Variants in RAPH1 observed in about 807,000 individuals in gnomAD.
RAPH1 encodes the protein ras-associated and pleckstrin homology domains-containing protein 1.
A neutral mutation model predicts 88.1 loss-of-function variants in RAPH1; 18 were observed. The observed-to-expected ratio is 0.20, with a 90% confidence interval of 0.14 to 0.30. RAPH1 has a LOEUF of 0.30. Ranked by LOEUF, RAPH1 falls within the 10% of genes least tolerant of loss-of-function variation. The pLI, the probability that RAPH1 is intolerant of heterozygous loss-of-function variation, is 1.00. For missense variants in RAPH1, 1,448 were observed against 1,543.2 expected (o/e 0.94, Z 1.03); for synonymous variants, 587 against 559.0 (o/e 1.05, Z -0.71).
chr2:203,512,192 GC>G (rs962727438), intron 1 of RAPH1, among the ~76,000 whole-genome samples: 3 of 151,362 alleles, frequency 2.0e-5, no homozygotes, highest in African/African-American at 7.3e-5. Flanking sequence ...ACTTTGGGAG[GC>G]CCAGGCAGGC....
At chr2:203,485,429 A>G (rs1434228184) in intron 4 of RAPH1, among the ~76,000 whole-genome samples, 1 of 149,794 alleles carries the variant, frequency 6.7e-6, no homozygotes, top group Non-Finnish European at 1.5e-5. Context: ...AAAAAAAAAA[A>G]AGAGTTACAC....
rs923664884 is a variant in RAPH1 at position 203,501,283 on chromosome 2, G to C, written c.1-5930C>G. Among the ~76,000 whole-genome samples the C allele has an allele frequency of 2.0e-5, 3 of 152,346 alleles. No homozygotes were observed. The East Asian group carries it at 5.8e-4, about 29-fold the overall frequency. Reference sequence around the variant, plus strand: ...GGACACTCATAATGTAAAATGGAAAGATAACTGTAGGGGATTAATTACTTA... The same window carrying C: ...GGACACTCATAATGTAAAATGGAAACATAACTGTAGGGGATTAATTACTTA... On this transcript the variant is annotated intron_variant, in intron 1 of 13. Coordinates refer to ENST00000319170, the MANE Select transcript of RAPH1 (RefSeq NM_213589.3).
intron 12 of RAPH1, chr2:203,447,017 A>G (rs576470994): frequency 6.6e-6 from 1 of 151,756 alleles, no homozygotes; most frequent in Non-Finnish European, 1.5e-5. Flanking sequence ...CTCCCAAAGC[A>G]TTGGCATTAC....
At position 203,454,451 on chromosome 2, in the gene RAPH1, T is replaced by A. The variant is rs1215719829; in HGVS notation, c.1392A>T (p.Thr464=). 1 of 1,612,174 alleles carries A rather than the reference T, an allele frequency of 6.2e-7. No homozygotes were observed. Among genetic ancestry groups the A allele is most frequent in the Non-Finnish European group, 8.5e-7 (1 of 1,178,746 alleles). ...TTACCTTCAGCACCAGACAATAGTC[T>A]GTAGGTGCTTTGTATTTGTTCCGAT... ...QDYRNKYKAP[T]DYCLVLKHPQ... The change falls in exon 10 of 14, where the codon ACA becomes ACT. Residue 464 remains threonine (T), a synonymous_variant. Coordinates refer to ENST00000319170, the MANE Select transcript of RAPH1 (RefSeq NM_213589.3).
At chr2:203,510,943 T>A (rs930130146) in intron 1 of RAPH1, among the ~76,000 whole-genome samples, 8 of 151,904 alleles carry the variant, frequency 5.3e-5, no homozygotes, top group South Asian at 2.1e-4. Flanking sequence ...TATCTCAATT[T>A]AAAAAAAACT....
chr2:203,457,262 G>A (rs571587012), intron 8 of RAPH1, among the ~76,000 whole-genome samples: 6 of 151,826 alleles, frequency 4.0e-5, no homozygotes, highest in African/African-American at 9.7e-5. Flanking sequence ...ATCTCGGCTC[G>A]CTGCAACCTC....
intron 4 of RAPH1, among the ~76,000 whole-genome samples, chr2:203,474,786 A>G (rs1407956996): frequency 3.9e-5 from 6 of 152,248 alleles, no homozygotes; most frequent in Non-Finnish European, 8.8e-5. Flanking sequence ...GTTTTAAAAT[A>G]TTTCATACTA....
At chr2:203,487,321 A>G (rs1052441104) in intron 4 of RAPH1, among the ~76,000 whole-genome samples, 1 of 152,238 alleles carries the variant, frequency 6.6e-6, no homozygotes, top group Non-Finnish European at 1.5e-5. Flanking sequence ...ATGAAATGAT[A>G]CATATTAAGT....
chr2:203,454,580 G>A (rs760451798), intron 9 of RAPH1, 40 bp from the exon 10 acceptor site: 48 of 1,406,876 alleles, frequency 3.4e-5, no homozygotes, highest in Non-Finnish European at 4.7e-5. Context: ...TAATAATAAT[G>A]CACAAACAAG....
chr2:203,522,543 A>G (rs750871108), intron 1 of RAPH1, among the ~76,000 whole-genome samples: 2 of 152,200 alleles, frequency 1.3e-5, no homozygotes, highest in African/African-American at 2.4e-5. Context: ...GCATTTTTTT[A>G]CAGAAACTGA....
chr2:203,466,145 G>C (rs1418483755), intron 4 of RAPH1, among the ~76,000 whole-genome samples: 1 of 152,124 alleles, frequency 6.6e-6, no homozygotes, highest in Non-Finnish European at 1.5e-5. Flanking sequence ...GCATATTTTA[G>C]TTTATACTTC....
chr2:203,529,688 T>C (rs528764842), intron 1 of RAPH1, among the ~76,000 whole-genome samples: 4 of 152,258 alleles, frequency 2.6e-5, no homozygotes, highest in South Asian at 4.1e-4. Context: ...ATTGCAAAAT[T>C]GACTTAAGAT....
intron 13 of RAPH1, chr2:203,441,640 T>G (rs890110634): frequency 3.0e-6 from 4 of 1,335,850 alleles, no homozygotes; most frequent in Non-Finnish European, 2.9e-6. Context: ...CACAGTAAAA[T>G]AGCTAGACCA....
At chr2:203,464,418 C>G (rs1222859011) in intron 4 of RAPH1, among the ~76,000 whole-genome samples, 1 of 152,132 alleles carries the variant, frequency 6.6e-6, no homozygotes, top group Non-Finnish European at 1.5e-5. Flanking sequence ...ATTACAGATG[C>G]CCGCCACCAT....
rs1553616531 is a variant in RAPH1, at chr2:203,434,079, T to TAGAG, written c.*5357_*5358insCTCT. The TAGAG allele has an allele frequency of 7.3e-5, 11 of 150,532 alleles. No individual in the cohort carries two copies. Among genetic ancestry groups the TAGAG allele is most frequent in the East Asian group, 1.9e-4 (1 of 5,150 alleles). 9.3% of individuals were successfully genotyped at this position (150,532 alleles called of 1,614,324 possible). ...ATCTATATATATATATATATATATA[T>TAGAG]AGCTTTGCACAATCAGGGAGCAAGG... On this transcript the variant is annotated 3_prime_UTR_variant, in exon 14 of 14. Transcript: ENST00000319170.
rs2098511854 is a variant in RAPH1, at chr2:203,448,386, G to A, written c.1513-307C>T. Among the ~76,000 whole-genome samples, 1 of 152,112 alleles carries A rather than the reference G, an allele frequency of 6.6e-6. No individual in the cohort carries two copies. Among genetic ancestry groups the A allele is most frequent in the African/African-American group, 2.4e-5 (1 of 41,406 alleles). ...TCTTCAGGATACTGCTCCAAATGTG[G>A]TTGGTAAATGATCATTACTTAAAGT... On this transcript the variant is annotated intron_variant, in intron 11 of 13. Transcript: ENST00000319170. The surrounding 1 kb of genome is among the most constrained non-coding windows in gnomAD (Gnocchi z 4.1).
intron 4 of RAPH1, among the ~76,000 whole-genome samples, chr2:203,464,760 CT>C (rs1434961917): frequency 2.7e-5 from 4 of 149,950 alleles, no homozygotes; most frequent in Non-Finnish European, 5.9e-5. Flanking sequence ...TGATAAAGAA[CT>C]GTTATAAAAA....
At chr2:203,527,578 C>A (rs1422691353) in intron 1 of RAPH1, among the ~76,000 whole-genome samples, 11 of 151,964 alleles carry the variant, frequency 7.2e-5, no homozygotes, top group Non-Finnish European at 1.6e-4. Flanking sequence ...GTGGGCGGAT[C>A]ACCTGAGGTC....
At chr2:203,473,910 G>C (rs1407485107) in intron 4 of RAPH1, among the ~76,000 whole-genome samples, 1 of 152,024 alleles carries the variant, frequency 6.6e-6, no homozygotes, top group Non-Finnish European at 1.5e-5. Context: ...CAACTTTTGA[G>C]TGTGGAACCA....
Sources: gnomAD v4.1 joint callset for allele counts (sites outside exome capture counted in the v4.1 genomes callset) on GRCh38, gnomAD v4.1.1 for gene constraint, Gnocchi (gnomAD v3.1) non-coding constraint, MANE v1.5 for transcripts, NCBI Gene and HGNC (gene_info 2026-07-23, HGNC 2026-07-21) for gene names.